The following CDC45 variants were observed in gnomAD, a reference collection of about 807,000 sequenced individuals.
CDC45 encodes cell division control protein 45 homolog.
Under a neutral mutation model 77.8 loss-of-function variants are expected in CDC45, and 54 were observed. That is an observed-to-expected ratio of 0.69 (90% CI 0.56 to 0.87). The LOEUF (loss-of-function observed/expected upper bound fraction) is 0.87, where lower values mean the gene tolerates loss of function less well. Among genes scored for constraint, CDC45 ranks in the 40% least tolerant of loss-of-function variants. The pLI is 0.00. For missense variants in CDC45, 649 were observed against 721.6 expected, an observed-to-expected ratio of 0.90 and a Z score of 1.15; for synonymous variants, 260 against 272.1, an observed-to-expected ratio of 0.96 and a Z score of 0.44.
rs9618586 is a variant in CDC45 at position 19,499,077 on chromosome 22, C to T, written c.654-24C>T. 383,283 of 1,609,940 alleles carry T rather than the reference C, an allele frequency of 0.24. 53,830 individuals are homozygous for T. The highest frequency in any genetic ancestry group is 0.62 in the African/African-American group (46,617 of 74,794). On this transcript the variant is annotated intron_variant, in intron 8 of 18. Transcript: ENST00000263201. ...TGAGCCCAGGTGGGCTATAGGCCGG[C>T]TCCACTGCCTTCTCTTCTTCCAGGT...
intron 5 of CDC45, among the ~76,000 whole-genome samples, chr22:19,486,145 C>T (rs2090063354): frequency 6.6e-6 from 1 of 152,152 alleles, no homozygotes; most frequent in South Asian, 2.1e-4. Flanking sequence ...CCTCAGCCTC[C>T]CAAGTAGCTA....
chr22:19,508,818 C>T, intron 13 of CDC45, 127 bp downstream of exon 13: 1 of 808,130 alleles, frequency 1.2e-6, no homozygotes, highest in East Asian at 2.7e-5. Flanking sequence ...CTTGGGTGAA[C>T]TGGAATCACA....
intron 9 of CDC45, among the ~76,000 whole-genome samples, chr22:19,500,457 C>A (rs887888452): frequency 1.1e-4 from 17 of 152,092 alleles, no homozygotes; most frequent in African/African-American, 3.9e-4. Context: ...TCATTGCCTC[C>A]GAAACATGTA....
At chr22:19,507,670 T>C in intron 11 of CDC45, 96 bp from the exon 12 acceptor site, 2 of 1,335,806 alleles carry the variant, frequency 1.5e-6, no homozygotes, top group Admixed American at 2.0e-5. Flanking sequence ...TGAATGCTGG[T>C]GCGGGGACAT....
At chr22:19,500,145 C>T (rs1005499763) in intron 9 of CDC45, among the ~76,000 whole-genome samples, 1 of 152,196 alleles carries the variant, frequency 6.6e-6, no homozygotes, top group African/African-American at 2.4e-5. Context: ...GGGCTAGAAA[C>T]ACCATGGTGT....
At chr22:19,485,051 C>G (rs181900677) in intron 5 of CDC45, among the ~76,000 whole-genome samples, 5 of 152,224 alleles carry the variant, frequency 3.3e-5, no homozygotes, top group Admixed American at 3.3e-4. Context: ...AGACTAAGCA[C>G]ATGCCACTAC....
intron 5 of CDC45, among the ~76,000 whole-genome samples, chr22:19,490,346 T>A (rs1038652105): frequency 9.9e-5 from 15 of 152,062 alleles, no homozygotes; most frequent in Non-Finnish European, 1.6e-4. Flanking sequence ...CTGTTTTTTT[T>A]ATTCTATTTT....
At chr22:19,517,629 G>T (rs1266532211) in intron 17 of CDC45, among the ~76,000 whole-genome samples, 1 of 152,152 alleles carries the variant, frequency 6.6e-6, no homozygotes, top group Non-Finnish European at 1.5e-5. Context: ...GTCAAGGTGG[G>T]GCAGGGCTGG....
chr22:19,514,649 T>G (rs1376370104), intron 13 of CDC45, 100 bp from the exon 14 acceptor site: 1 of 983,774 alleles, frequency 1.0e-6, no homozygotes, highest in South Asian at 1.6e-5. Context: ...CCCCCAAACC[T>G]CTTCCTGAAC....
At chr22:19,481,799 C>A (rs8136117) in intron 3 of CDC45, among the ~76,000 whole-genome samples, 39,862 of 151,906 alleles carry the variant, frequency 0.26, 7,243 homozygotes, top group African/African-American at 0.51. Flanking sequence ...AGCCTCCTAA[C>A]TAGCTGGGAT....
chr22:19,487,478 C>G (rs2090089020), intron 5 of CDC45, among the ~76,000 whole-genome samples: 1 of 151,828 alleles, frequency 6.6e-6, no homozygotes, highest in African/African-American at 2.4e-5. Flanking sequence ...TGCAGTGATC[C>G]ATGATCACAT....
In CDC45 at chr22:19,479,960, G is replaced by A. The variant is rs548010676; in HGVS notation, c.-9G>A. 54 of 1,612,926 alleles carry A rather than the reference G, an allele frequency of 3.3e-5. No homozygotes were observed. In the South Asian group the frequency reaches 5.5e-4, roughly 16 times the overall value. On this transcript the variant is annotated 5_prime_UTR_variant, in exon 1 of 19. Coordinates refer to ENST00000263201, the MANE Select transcript of CDC45 (RefSeq NM_003504.5). ...CAGCGCGAGCGCCAGGCGTCCGGCC[G>A]CCGTGGCTATGTTCGTGTCCGATTT... is the stretch of plus-strand genomic sequence containing the variant.
intron 15 of CDC45, 147 bp downstream of exon 15, chr22:19,515,195 C>CT: frequency 1.4e-6 from 1 of 690,384 alleles, no homozygotes; most frequent in East Asian, 2.7e-5. Context: ...TCTGAGCTGT[C>CT]TTTTTCTCAG....
chr22:19,495,415 T>C (rs1381624903), intron 6 of CDC45, among the ~76,000 whole-genome samples: 1 of 152,280 alleles, frequency 6.6e-6, no homozygotes, highest in Non-Finnish European at 1.5e-5. Flanking sequence ...ATTGTAATTA[T>C]GGGACAATTT....
chr22:19,492,101 C>A (rs2090162464), intron 5 of CDC45, among the ~76,000 whole-genome samples: 1 of 152,140 alleles, frequency 6.6e-6, no homozygotes, highest in African/African-American at 2.4e-5. Flanking sequence ...CCACCACACC[C>A]AGCCAGCAGG....
Position 19,507,396 on chromosome 22 carries a change from G to T in CDC45, c.835G>T (p.Val279Leu). ...TGACTGCAGGCCCAGCCTCCGCCTG[G>T]TGCTCTACCAGCACTGGTCCCTCCA... ...RISFEYDLRL[V>L]LYQHWSLHDS... Residue 279 changes from valine (V) to leucine (L), a missense_variant, in exon 11 of 19, where the codon GTG becomes TTG. Transcript: ENST00000263201. The T allele has an allele frequency of 6.2e-7, 1 of 1,613,996 alleles. No individual in the cohort carries two copies. Among genetic ancestry groups the T allele is most frequent in the Non-Finnish European group, 8.5e-7 (1 of 1,180,020 alleles).
At chr22:19,479,781 T>C (rs1269016422), upstream of CDC45, 1 of 665,448 alleles carries the variant, frequency 1.5e-6, no homozygotes, top group African/African-American at 1.8e-5. Flanking sequence ...TTTCTGGCCG[T>C]GAATGGCAGA....
chr22:19,505,081 A>G, intron 9 of CDC45: 1 of 438,146 alleles, frequency 2.3e-6, no homozygotes, highest in South Asian at 2.5e-5. Flanking sequence ...TCTTGGCTGT[A>G]TGGGCTGTGG....
chr22:19,494,357 C>T lies in CDC45; in HGVS notation c.517C>T (p.Gln173Ter). ...AGTGGAGCAAACCATGCGGAGGAGGCAGCGGCGAGAGTGGGAGGCCCGGAG... is the reference window on the plus strand; with the variant it reads ...AGTGGAGCAAACCATGCGGAGGAGGTAGCGGCGAGAGTGGGAGGCCCGGAG... Reference protein sequence around the residue: ...EIVEQTMRRRQRREWEARRRD... With the variant: ...EIVEQTMRRR Residue 173 changes from glutamine (Q) to a stop codon, truncating the protein, a stop_gained, in exon 6 of 19, where the codon CAG becomes TAG. Transcript: ENST00000263201. LOFTEE classifies it high-confidence loss of function. 1 of 1,613,200 alleles carries T rather than the reference C, an allele frequency of 6.2e-7. No individual in the cohort carries two copies. The highest frequency in any genetic ancestry group is 8.5e-7 in the Non-Finnish European group (1 of 1,179,968).
Sources: allele counts gnomAD v4.1 joint callset (sites outside exome capture counted in the v4.1 genomes callset), GRCh38; gene constraint gnomAD v4.1.1; transcripts MANE v1.5; gene names NCBI Gene and HGNC (gene_info 2026-07-23, HGNC 2026-07-21).